Variants in DLG2 observed in about 807,000 individuals in gnomAD.
DLG2 encodes the protein disks large homolog 2.
Under a neutral mutation model 132.5 loss-of-function variants are expected in DLG2, and 45 were observed. The ratio of observed to expected loss-of-function variants is 0.34; its 90% CI spans 0.27 to 0.44. DLG2 has a LOEUF of 0.44. Ranked by LOEUF, DLG2 falls within the 20% of genes least tolerant of loss-of-function variation. The pLI is 1.00. For missense variants in DLG2, 1,045 were observed against 1,196.9 expected (o/e 0.87, Z 1.87); for synonymous variants, 424 against 419.6 (o/e 1.01, Z -0.13).
chr11:83,518,013 G>C (rs952008252), intron 21 of DLG2, among the ~76,000 whole-genome samples: 1 of 152,172 alleles, frequency 6.6e-6, no homozygotes, highest in Non-Finnish European at 1.5e-5. Flanking sequence ...AGATCTCAAG[G>C]TGCATGCTGG....
intron 21 of DLG2, among the ~76,000 whole-genome samples, chr11:83,486,626 T>G (rs540319883): frequency 2.0e-4 from 31 of 152,122 alleles, no homozygotes; most frequent in Non-Finnish European, 3.2e-4. Context: ...ATCATCTGAT[T>G]GGGACATAAT....
At chr11:85,258,988 G>A (rs148509216) in intron 4 of DLG2, among the ~76,000 whole-genome samples, 18 of 152,262 alleles carry the variant, frequency 1.2e-4, no homozygotes, top group African/African-American at 3.6e-4. Flanking sequence ...GCTTCATAGA[G>A]AGTAAGGACC....
chr11:84,114,917 A>C (rs1012151073), intron 9 of DLG2, among the ~76,000 whole-genome samples: 6 of 149,560 alleles, frequency 4.0e-5, no homozygotes, highest in African/African-American at 1.2e-4. Context: ...CCATTCAGCC[A>C]CCTCAGCTTC....
intron 21 of DLG2, among the ~76,000 whole-genome samples, chr11:83,495,553 C>CT (rs2094108190): frequency 6.6e-6 from 1 of 152,068 alleles, no homozygotes; most frequent in Admixed American, 6.6e-5. Flanking sequence ...TACCATAGTA[C>CT]TTATGACATA....
At chr11:84,959,446 C>G (rs1488228473) in intron 6 of DLG2, among the ~76,000 whole-genome samples, 1 of 152,142 alleles carries the variant, frequency 6.6e-6, no homozygotes, top group African/African-American at 2.4e-5. Context: ...ATCTACAGTA[C>G]TTGGCAAACA....
At chr11:84,999,807 C>T (rs902583589) in intron 6 of DLG2, among the ~76,000 whole-genome samples, 3 of 152,050 alleles carry the variant, frequency 2.0e-5, no homozygotes, top group African/African-American at 7.2e-5. Context: ...AAAAAGAAAA[C>T]TCTTGCCTGG....
intron 14 of DLG2, among the ~76,000 whole-genome samples, chr11:83,952,122 G>T (rs1001104878): frequency 6.6e-6 from 1 of 152,100 alleles, no homozygotes; most frequent in African/African-American, 2.4e-5. Context: ...AGGGCAGGGG[G>T]ATCACTTGAG....
At chr11:84,186,250 A>G (rs932922486) in intron 8 of DLG2, among the ~76,000 whole-genome samples, 7 of 152,210 alleles carry the variant, frequency 4.6e-5, no homozygotes, top group Non-Finnish European at 1.0e-4. Flanking sequence ...ATTTTCAAAT[A>G]ATTTTTCTAC....
intron 8 of DLG2, among the ~76,000 whole-genome samples, chr11:84,215,085 A>AC (rs1473946083): frequency 6.6e-6 from 1 of 152,184 alleles, no homozygotes; most frequent in African/African-American, 2.4e-5. Flanking sequence ...TCAAAGAAAA[A>AC]CACAGAAAGA....
intron 16 of DLG2, among the ~76,000 whole-genome samples, chr11:83,835,127 AGGTAAAG>A (rs1468634271): frequency 6.6e-6 from 1 of 152,222 alleles, no homozygotes; most frequent in African/African-American, 2.4e-5. Flanking sequence ...ATTAAGTCAG[AGGTAAAG>A]TGACATAGAG....
At position 84,006,395 on chromosome 11, in the gene DLG2, T is replaced by C. The variant is rs2094573197; in HGVS notation, c.920-25753A>G. ...AAAAGCAGAGTAGAGTGGCTATAGT[T>C]AAAAACAATGTATTGTACATTTCAA... On this transcript the variant is annotated intron_variant, in intron 11 of 27. Coordinates refer to ENST00000376104, the MANE Select transcript of DLG2 (RefSeq NM_001142699.3). Among the ~76,000 whole-genome samples, 5 of 151,706 alleles carry C rather than the reference T, an allele frequency of 3.3e-5. No individual in the cohort carries two copies. The South Asian group carries it at 8.3e-4, about 25-fold the overall frequency.
intron 3 of DLG2, among the ~76,000 whole-genome samples, chr11:85,512,149 C>A (rs1057056042): frequency 2.0e-5 from 3 of 151,912 alleles, no homozygotes; most frequent in African/African-American, 7.3e-5. Flanking sequence ...GCAATAAGCA[C>A]AGGAGAAAGG....
chr11:83,889,511 A>T (rs1037435616), intron 15 of DLG2, among the ~76,000 whole-genome samples: 1 of 152,184 alleles, frequency 6.6e-6, no homozygotes, highest in African/African-American at 2.4e-5. Context: ...TGTTGGTGGG[A>T]CTGTAAACTA....
At chr11:84,970,866 T>C (rs1406363946) in intron 6 of DLG2, among the ~76,000 whole-genome samples, 2 of 152,144 alleles carry the variant, frequency 1.3e-5, no homozygotes, top group Non-Finnish European at 2.9e-5. Flanking sequence ...GCAGGGAAGC[T>C]TTATTAGAGG....
At chr11:85,282,563 T>C (rs930793874) in intron 4 of DLG2, among the ~76,000 whole-genome samples, 16 of 151,810 alleles carry the variant, frequency 1.1e-4, no homozygotes, top group Non-Finnish European at 5.9e-5. Context: ...ATCAGTTACC[T>C]TGCATGCAGG....
At chr11:83,796,851 C>G (rs2042942739) in intron 17 of DLG2, among the ~76,000 whole-genome samples, 2 of 152,186 alleles carry the variant, frequency 1.3e-5, no homozygotes. Flanking sequence ...ATGTGCTGTT[C>G]ATTGCAGGAC....
At chr11:84,401,064 A>G (rs1360283330) in intron 7 of DLG2, among the ~76,000 whole-genome samples, 2 of 152,082 alleles carry the variant, frequency 1.3e-5, no homozygotes, top group Admixed American at 6.5e-5. Flanking sequence ...TAATAGCCCT[A>G]TCGGGTTAGT....
At chr11:85,519,828 G>C (rs2074135578) in intron 3 of DLG2, among the ~76,000 whole-genome samples, 1 of 152,060 alleles carries the variant, frequency 6.6e-6, no homozygotes, top group African/African-American at 2.4e-5. Context: ...AGTCTCATGA[G>C]ACCTGATGGT....
At chr11:85,469,559 G>C (rs1565538890) in intron 3 of DLG2, 1 of 152,198 alleles carries the variant, frequency 6.6e-6, no homozygotes, top group African/African-American at 2.4e-5. Context: ...TAGTAATTAT[G>C]TCATGGCCAA....
Sources: allele counts gnomAD v4.1 joint callset (sites outside exome capture counted in the v4.1 genomes callset), GRCh38; gene constraint gnomAD v4.1.1; transcripts MANE v1.5; gene names NCBI Gene and HGNC (gene_info 2026-07-23, HGNC 2026-07-21).